The following HDAC9 variants were observed in gnomAD, a reference collection of about 807,000 sequenced individuals.
HDAC9 encodes the protein histone deacetylase 9.
A neutral mutation model predicts 139.4 loss-of-function variants in HDAC9; 41 were observed. That is an observed-to-expected ratio of 0.29 (90% CI 0.23 to 0.38). The LOEUF (loss-of-function observed/expected upper bound fraction) is 0.38. Among genes scored for constraint, HDAC9 ranks in the 10% least tolerant of loss-of-function variants. The pLI is 1.00. For missense variants in HDAC9, 1,147 were observed against 1,297.0 expected (o/e 0.88, Z 1.78); for synonymous variants, 517 against 476.2 (o/e 1.09, Z -1.12).
chr7:18,357,400 T>C (rs530875654), intron 1 of HDAC9, among the ~76,000 whole-genome samples: 244 of 152,264 alleles, frequency 1.6e-3, no homozygotes, highest in African/African-American at 5.6e-3. Context: ...TCCTTTTTTT[T>C]CCTCAGTAAA....
At chr7:18,667,895 TTCGTTG>T in intron 12 of HDAC9, 1 of 983,132 alleles carries the variant, frequency 1.0e-6, no homozygotes, top group Non-Finnish European at 1.2e-6. Context: ...TAGTTAAAGG[TTCGTTG>T]TATTAAGACC....
chr7:18,585,532 G>C lies in HDAC9; in HGVS notation c.264+10G>C, dbSNP rs770843645. On this transcript the variant is annotated intron_variant, in intron 3 of 25. Coordinates refer to ENST00000686413, the MANE Select transcript of HDAC9 (RefSeq NM_178425.4). ...TCAGGAGCATATCAAGGTAGCAAAT[G>C]CTTCTTTGTCTGTGACCTTACTCAG... The C allele has an allele frequency of 3.1e-6, 5 of 1,612,366 alleles. No homozygotes were observed. Among genetic ancestry groups the C allele is most frequent in the East Asian group, 2.2e-5 (1 of 44,886 alleles).
At chr7:18,945,891 G>A (rs1194019694) in intron 23 of HDAC9, among the ~76,000 whole-genome samples, 1 of 151,674 alleles carries the variant, frequency 6.6e-6, no homozygotes, top group Non-Finnish European at 1.5e-5. Context: ...ACAAAAATTA[G>A]CTGGGCGTGG....
intron 1 of HDAC9, among the ~76,000 whole-genome samples, chr7:18,408,860 A>G (rs1220946747): frequency 6.6e-6 from 1 of 152,218 alleles, no homozygotes; most frequent in Non-Finnish European, 1.5e-5. Flanking sequence ...GAATGCAACA[A>G]ATGACACAGA....
intron 2 of HDAC9, among the ~76,000 whole-genome samples, chr7:18,539,323 T>A (rs552628792): frequency 1.3e-5 from 2 of 152,270 alleles, no homozygotes; most frequent in South Asian, 2.1e-4. Flanking sequence ...AATTCAGGAA[T>A]ATTCTATAAA....
chr7:18,272,965 C>G (rs367847553), intron 2 of HDAC9, among the ~76,000 whole-genome samples: 1 of 130,538 alleles, frequency 7.7e-6, no homozygotes, highest in Non-Finnish European at 1.7e-5. Flanking sequence ...ACTACTACTA[C>G]TATTTCTTCC....
chr7:18,273,005 T>C (rs887997637), intron 2 of HDAC9, among the ~76,000 whole-genome samples: 17 of 148,952 alleles, frequency 1.1e-4, no homozygotes, highest in Non-Finnish European at 2.4e-4. Context: ...CCTCTTCTTC[T>C]TCTTCTTCCT....
intron 1 of HDAC9, among the ~76,000 whole-genome samples, chr7:18,294,292 C>T (rs1798002414): frequency 6.6e-6 from 1 of 152,058 alleles, no homozygotes; most frequent in South Asian, 2.1e-4. Flanking sequence ...AAGCCCATTA[C>T]CCTCTGGTTT....
At chr7:18,630,822 T>C (rs764684142) in intron 7 of HDAC9, among the ~76,000 whole-genome samples, 18 of 151,936 alleles carry the variant, frequency 1.2e-4, no homozygotes, top group Non-Finnish European at 2.2e-4. Context: ...TTGATGGGGG[T>C]GGGCAGTTGA....
intron 1 of HDAC9, among the ~76,000 whole-genome samples, chr7:18,134,182 A>C (rs1482543312): frequency 6.6e-6 from 1 of 152,096 alleles, no homozygotes; most frequent in Non-Finnish European, 1.5e-5. Flanking sequence ...GACTGCTTTA[A>C]AGTTCAACTC....
chr7:18,527,888 C>T (rs909231994), intron 2 of HDAC9, among the ~76,000 whole-genome samples: 3 of 152,050 alleles, frequency 2.0e-5, no homozygotes, highest in Non-Finnish European at 2.9e-5. Context: ...TAAAATGAAT[C>T]ATAAAATCCA....
At chr7:18,535,488 A>G (rs1246164106) in intron 2 of HDAC9, among the ~76,000 whole-genome samples, 1 of 151,982 alleles carries the variant, frequency 6.6e-6, no homozygotes, top group Admixed American at 6.6e-5. Context: ...TGAGGATGTC[A>G]TAAGATTAAA....
At chr7:18,742,339 A>T (rs1176298334) in intron 13 of HDAC9, among the ~76,000 whole-genome samples, 3 of 152,138 alleles carry the variant, frequency 2.0e-5, no homozygotes, top group Non-Finnish European at 2.9e-5. Context: ...TCAAGGCAAG[A>T]CCCTCCACAA....
At chr7:18,346,238 T>A (rs1782411459) in intron 1 of HDAC9, among the ~76,000 whole-genome samples, 1 of 152,166 alleles carries the variant, frequency 6.6e-6, no homozygotes. Context: ...AAATGTCTTA[T>A]GAATTATAAA....
intron 8 of HDAC9, among the ~76,000 whole-genome samples, chr7:18,640,466 A>G (rs1785246044): frequency 6.6e-6 from 1 of 151,086 alleles, no homozygotes; most frequent in Non-Finnish European, 1.5e-5. Flanking sequence ...TGTCTTCTTA[A>G]GAGTAAGAAA....
At chr7:18,190,633 C>T (rs1024465747) in intron 2 of HDAC9, among the ~76,000 whole-genome samples, 18 of 152,054 alleles carry the variant, frequency 1.2e-4, no homozygotes, top group Non-Finnish European at 7.4e-5. Flanking sequence ...GAGTGGAAAA[C>T]GTTTCTCTAA....
intron 11 of HDAC9, among the ~76,000 whole-genome samples, chr7:18,655,619 A>G (rs771936656): frequency 3.9e-5 from 6 of 152,290 alleles, no homozygotes; most frequent in Non-Finnish European, 7.4e-5. Flanking sequence ...AGATGTGATG[A>G]AATCCTGTGT....
intron 2 of HDAC9, among the ~76,000 whole-genome samples, chr7:18,507,832 A>G (rs1405855722): frequency 6.6e-6 from 1 of 152,240 alleles, no homozygotes; most frequent in East Asian, 1.9e-4. Flanking sequence ...AAAGACAAAA[A>G]TAGGAAACAC....
In HDAC9 at chr7:18,975,940, C is replaced by T. The variant is rs202124019; in HGVS notation, c.3157C>T (p.Gln1053Ter). The T allele has an allele frequency of 5.4e-5, 87 of 1,613,484 alleles. No homozygotes were observed. Among genetic ancestry groups the T allele is most frequent in the Non-Finnish European group, 7.0e-5 (83 of 1,179,732 alleles). The change falls in exon 25 of 26, where the codon CAG becomes TAG. Residue 1053 changes from glutamine (Q) to a stop codon, truncating the protein, a stop_gained. Coordinates refer to ENST00000686413, the MANE Select transcript of HDAC9 (RefSeq NM_178425.4). LOFTEE classifies it high-confidence loss of function. ...AGTGGATGTGGAACAGCCCTTTGCT[C>T]AGGAAGACAGCAGGTATGAATCCAA... ...LTVDVEQPFA[Q>*]EDSRTAGEPM...
Sources: gnomAD v4.1 joint callset for allele counts (sites outside exome capture counted in the v4.1 genomes callset) on GRCh38, gnomAD v4.1.1 for gene constraint, MANE v1.5 for transcripts, NCBI Gene and HGNC (gene_info 2026-07-23, HGNC 2026-07-21) for gene names.